ESR1: variants seen among roughly 807,000 people sequenced by gnomAD.
ESR1 encodes the protein estrogen receptor 1.
ESR1 carries 12 observed loss-of-function variants against 52.7 expected under a neutral mutation model. That is an observed-to-expected ratio of 0.23 (90% CI 0.15 to 0.37). ESR1 has a LOEUF of 0.37. Among genes scored for constraint, ESR1 ranks in the 10% least tolerant of loss-of-function variants. The pLI is 1.00. For missense variants in ESR1, 584 were observed against 779.7 expected (o/e 0.75, Z 2.99); for synonymous variants, 305 against 316.8 (o/e 0.96, Z 0.39).
intron 5 of ESR1, among the ~76,000 whole-genome samples, chr6:152,056,521 G>A (rs146676290): frequency 7.6e-4 from 115 of 152,286 alleles, no homozygotes; most frequent in African/African-American, 2.7e-3. Context: ...CCTCGTTAGA[G>A]CTCTTTATTT....
chr6:151,836,688 T>C (rs1783387620), intron 1 of ESR1, among the ~76,000 whole-genome samples: 1 of 152,114 alleles, frequency 6.6e-6, no homozygotes, highest in Admixed American at 6.5e-5. Flanking sequence ...CACCCAAATA[T>C]AGGATTGGAA....
intron 3 of ESR1, among the ~76,000 whole-genome samples, chr6:151,926,722 T>A (rs1339123225): frequency 6.6e-6 from 1 of 152,126 alleles, no homozygotes; most frequent in Non-Finnish European, 1.5e-5. Flanking sequence ...CATTACTTAT[T>A]AGTTCCAGGG....
At chr6:152,122,900 C>T (rs767742074) in intron 6 of ESR1, among the ~76,000 whole-genome samples, 5 of 152,112 alleles carry the variant, frequency 3.3e-5, no homozygotes, top group African/African-American at 4.8e-5. Flanking sequence ...GTCAACTAAA[C>T]GTAAGTAATT....
chr6:151,875,426 C>G (rs1478062178), intron 2 of ESR1, among the ~76,000 whole-genome samples: 1 of 152,154 alleles, frequency 6.6e-6, no homozygotes, highest in African/African-American at 2.4e-5. Flanking sequence ...GCTTTAGCAT[C>G]TCAGTATTGT....
At chr6:151,823,595 A>G (rs960540684) in intron 1 of ESR1, among the ~76,000 whole-genome samples, 4 of 152,062 alleles carry the variant, frequency 2.6e-5, no homozygotes, top group Admixed American at 2.6e-4. Flanking sequence ...TACATTAGGT[A>G]TATCTCCTAA....
At chr6:151,915,591 A>G (rs1421438461) in intron 3 of ESR1, among the ~76,000 whole-genome samples, 3 of 152,250 alleles carry the variant, frequency 2.0e-5, no homozygotes, top group Admixed American at 1.3e-4. Flanking sequence ...TTTACAAAGT[A>G]CTAGGACTTC....
At chr6:152,095,197 T>C (rs1433557264) in intron 7 of ESR1, among the ~76,000 whole-genome samples, 1 of 152,228 alleles carries the variant, frequency 6.6e-6, no homozygotes, top group East Asian at 1.9e-4. Context: ...GTCATCCTCC[T>C]GCTTAAAACC....
chr6:152,062,799 T>C (rs1453720320), intron 6 of ESR1, among the ~76,000 whole-genome samples: 1 of 152,162 alleles, frequency 6.6e-6, no homozygotes, highest in African/African-American at 2.4e-5. Flanking sequence ...TGAGAAAAAG[T>C]ACCCCAGACA....
intron 6 of ESR1, among the ~76,000 whole-genome samples, chr6:152,114,760 G>A (rs1039619965): frequency 3.3e-5 from 5 of 150,316 alleles, no homozygotes; most frequent in East Asian, 2.0e-4. Context: ...GCGTAGTGGC[G>A]GGCGCCTGTA....
intron 5 of ESR1, among the ~76,000 whole-genome samples, chr6:152,046,090 C>T (rs903163799): frequency 6.6e-6 from 1 of 152,134 alleles, no homozygotes; most frequent in African/African-American, 2.4e-5. Context: ...TCTTGGGACA[C>T]CCTTCCAGTT....
At chr6:151,847,289 G>A (rs576988012) in intron 2 of ESR1, among the ~76,000 whole-genome samples, 1 of 152,154 alleles carries the variant, frequency 6.6e-6, no homozygotes, top group Non-Finnish European at 1.5e-5. Context: ...AGCTGTGGCC[G>A]GTAAGCAGGC....
rs1453229008 is a variant in ESR1, at chr6:152,098,631, G to T, written c.1554-101G>T. ...AACAGGAAGAAAGAAAGATTGCTAA[G>T]TGTCTTTGGAGTTCCTCTTCCTTCC... On this transcript the variant is annotated intron_variant, in intron 7 of 7. Coordinates refer to ENST00000206249, the MANE Select transcript of ESR1 (RefSeq NM_000125.4). This position sits in a 1 kb window ranked among gnomAD's most constrained non-coding sequence, Gnocchi z 5.1. The T allele has an allele frequency of 2.1e-6, 2 of 932,016 alleles. No homozygotes were observed. Among genetic ancestry groups the T allele is most frequent in the Non-Finnish European group, 3.4e-6 (2 of 586,110 alleles). The allele number at this position is 932,016 out of a possible 1,614,324, so 57.7% of individuals were successfully genotyped here. A position where few individuals can be genotyped will look rare whatever the true frequency, so the allele number is the denominator to read the frequency against.
chr6:152,029,847 A>T (rs1252826672), intron 5 of ESR1, among the ~76,000 whole-genome samples: 1 of 152,326 alleles, frequency 6.6e-6, no homozygotes, highest in East Asian at 1.9e-4. Flanking sequence ...TGACAGATTC[A>T]CCAAAGTTGA....
At chr6:151,812,698 A>G (rs1779002989) in intron 1 of ESR1, among the ~76,000 whole-genome samples, 1 of 152,158 alleles carries the variant, frequency 6.6e-6, no homozygotes, top group Admixed American at 6.5e-5. Flanking sequence ...TTTTCCAGAC[A>G]ACTTTGAATG....
chr6:151,808,883 A>G lies in ESR1; in HGVS notation c.452+519A>G, dbSNP rs1025206684. Among the ~76,000 whole-genome samples the G allele has an allele frequency of 3.7e-4, 56 of 152,146 alleles. 1 individual carries two copies. The highest frequency in any genetic ancestry group is 5.9e-5 in the Non-Finnish European group (4 of 68,044). ...TAGACTATTTGATTGGAAATATGTCAGCTATGATGATGACTTTCTGGGAAG... is the reference window on the plus strand; with the variant it reads ...TAGACTATTTGATTGGAAATATGTCGGCTATGATGATGACTTTCTGGGAAG... On this transcript the variant is annotated intron_variant, in intron 1 of 7. Transcript: ENST00000206249.
chr6:151,699,254 G>A (rs1055090014), intron 1 of ESR1, among the ~76,000 whole-genome samples: 1 of 152,088 alleles, frequency 6.6e-6, no homozygotes, highest in Non-Finnish European at 1.5e-5. Context: ...TAGGGGAAAA[G>A]ATTTGTACTG....
At chr6:151,852,630 C>G (rs1786986201) in intron 2 of ESR1, among the ~76,000 whole-genome samples, 1 of 142,904 alleles carries the variant, frequency 7.0e-6, no homozygotes, top group Non-Finnish European at 1.5e-5. Context: ...AAACAAGAAC[C>G]AAGCAGGTGT....
At chr6:151,683,550 T>G (rs1778536484) in intron 1 of ESR1, among the ~76,000 whole-genome samples, 1 of 152,038 alleles carries the variant, frequency 6.6e-6, no homozygotes, top group East Asian at 1.9e-4. Context: ...CCAGGTAGCC[T>G]GCAATCAACT....
chr6:152,090,082 A>G (rs764141698), intron 6 of ESR1, among the ~76,000 whole-genome samples: 4 of 152,208 alleles, frequency 2.6e-5, no homozygotes, highest in Non-Finnish European at 5.9e-5. Flanking sequence ...CAGAAGAACC[A>G]CAATCATAGG....
Sources: allele counts gnomAD v4.1 joint callset (sites outside exome capture counted in the v4.1 genomes callset), GRCh38; gene constraint gnomAD v4.1.1; non-coding constraint Gnocchi (gnomAD v3.1); transcripts MANE v1.5; gene names NCBI Gene and HGNC (gene_info 2026-07-23, HGNC 2026-07-21).